Variants in TRHDE observed in about 807,000 individuals in gnomAD.
TRHDE encodes thyrotropin-releasing hormone-degrading ectoenzyme.
A neutral mutation model predicts 125.7 loss-of-function variants in TRHDE; 72 were observed. The ratio of observed to expected loss-of-function variants is 0.57; its 90% CI spans 0.47 to 0.70. TRHDE has a LOEUF of 0.70. Among genes scored for constraint, TRHDE ranks in the 30% least tolerant of loss-of-function variants. The pLI, the probability that TRHDE is intolerant of heterozygous loss-of-function variation, is 0.00. For missense variants in TRHDE, 1,110 were observed against 1,327.1 expected, an observed-to-expected ratio of 0.84 and a Z score of 2.54; for synonymous variants, 509 against 509.1, an observed-to-expected ratio of 1.00 and a Z score of 0.00.
At chr12:72,324,209 A>C (rs2135713323) in intron 2 of TRHDE, among the ~76,000 whole-genome samples, 1 of 152,264 alleles carries the variant, frequency 6.6e-6, no homozygotes, top group Admixed American at 6.5e-5. Flanking sequence ...TTATTGGTTA[A>C]CATCAATTTA....
chr12:72,646,386 A>G (rs1236834685), intron 15 of TRHDE, among the ~76,000 whole-genome samples: 1 of 152,088 alleles, frequency 6.6e-6, no homozygotes, highest in Non-Finnish European at 1.5e-5. Context: ...ATCAATATAA[A>G]AACTCAAAAA....
intron 2 of TRHDE, among the ~76,000 whole-genome samples, chr12:72,238,339 T>TAA (rs1483769640): frequency 0.055 from 1,155 of 21,116 alleles, 177 homozygotes; most frequent in Admixed American, 0.11. Context: ...TATATACACA[T>TAA]TATATATATA....
At chr12:72,576,272 C>G (rs1870989993) in intron 12 of TRHDE, among the ~76,000 whole-genome samples, 1 of 152,108 alleles carries the variant, frequency 6.6e-6, no homozygotes. Context: ...ACAGGTGACT[C>G]TCTTTACTTA....
At chr12:72,510,284 T>G (rs879848717) in intron 6 of TRHDE, among the ~76,000 whole-genome samples, 2 of 152,246 alleles carry the variant, frequency 1.3e-5, no homozygotes, top group South Asian at 4.1e-4. Context: ...TCTTTAGATA[T>G]TCTACAGTAT....
chr12:72,573,441 G>A (rs1870840363), intron 10 of TRHDE, among the ~76,000 whole-genome samples: 1 of 151,778 alleles, frequency 6.6e-6, no homozygotes, highest in Non-Finnish European at 1.5e-5. Context: ...TTATTTTTCT[G>A]AGTTCCATGG....
chr12:72,294,178 T>A (rs1159529452), intron 2 of TRHDE, among the ~76,000 whole-genome samples: 1 of 152,152 alleles, frequency 6.6e-6, no homozygotes, highest in East Asian at 1.9e-4. Context: ...TCCCACAACA[T>A]GGCAAGTAAG....
At chr12:72,613,791 A>T (rs1437122646) in intron 12 of TRHDE, among the ~76,000 whole-genome samples, 2 of 152,138 alleles carry the variant, frequency 1.3e-5, no homozygotes, top group East Asian at 3.9e-4. Context: ...GCTGTCTGAG[A>T]TCTTTTCTCT....
intron 12 of TRHDE, among the ~76,000 whole-genome samples, chr12:72,611,473 T>A (rs574915228): frequency 1.3e-5 from 2 of 152,276 alleles, no homozygotes; most frequent in East Asian, 3.9e-4. Flanking sequence ...ACAAATTATA[T>A]CACATTTTGA....
At chr12:72,557,928 C>A (rs1267228038) in intron 7 of TRHDE, among the ~76,000 whole-genome samples, 3 of 151,520 alleles carry the variant, frequency 2.0e-5, no homozygotes, top group Non-Finnish European at 2.9e-5. Context: ...CAGTTATCAA[C>A]AGAAACAAAT....
chr12:72,218,830 C>G (rs888302983), intron 2 of TRHDE, among the ~76,000 whole-genome samples: 7 of 152,132 alleles, frequency 4.6e-5, no homozygotes, highest in Non-Finnish European at 1.0e-4. Flanking sequence ...ATCTGGATGA[C>G]CTTATCTTGT....
chr12:72,407,943 G>T (rs1197673534), intron 3 of TRHDE, among the ~76,000 whole-genome samples: 1 of 152,136 alleles, frequency 6.6e-6, no homozygotes. Context: ...GTTTTCTGTT[G>T]CTGTACCAGA....
chr12:72,428,725 T>C (rs564616021), intron 3 of TRHDE, among the ~76,000 whole-genome samples: 2 of 152,110 alleles, frequency 1.3e-5, no homozygotes, highest in Non-Finnish European at 2.9e-5. Flanking sequence ...TTTCAGAGAT[T>C]TTTTACAACC....
intron 9 of TRHDE, among the ~76,000 whole-genome samples, chr12:72,566,622 G>A (rs201095293): frequency 1.3e-5 from 2 of 151,816 alleles, no homozygotes; most frequent in Non-Finnish European, 2.9e-5. Flanking sequence ...TGGAAATTAT[G>A]TTTATATTAG....
At chr12:72,378,587 T>C (rs901843199) in intron 3 of TRHDE, among the ~76,000 whole-genome samples, 4 of 152,222 alleles carry the variant, frequency 2.6e-5, no homozygotes, top group African/African-American at 9.6e-5. Flanking sequence ...ATATTTTACA[T>C]GGAGAAGACA....
intron 2 of TRHDE, among the ~76,000 whole-genome samples, chr12:72,116,488 G>T (rs1367239241): frequency 6.6e-6 from 1 of 152,152 alleles, no homozygotes; most frequent in South Asian, 2.1e-4. Context: ...CAATGTAAAA[G>T]CATTCCTATT....
chr12:72,253,261 T>G (rs1878725605), intron 2 of TRHDE, among the ~76,000 whole-genome samples: 1 of 152,160 alleles, frequency 6.6e-6, no homozygotes, highest in East Asian at 1.9e-4. Context: ...ATTTTATTTT[T>G]GTATAATCCA....
At chr12:72,169,638 TA>T (rs1397892930) in intron 2 of TRHDE, among the ~76,000 whole-genome samples, 1 of 152,012 alleles carries the variant, frequency 6.6e-6, no homozygotes, top group East Asian at 1.9e-4. Context: ...GAGGATTGCT[TA>T]AGCCTAGGAG....
At chr12:72,181,242 C>A (rs1877090522) in intron 2 of TRHDE, among the ~76,000 whole-genome samples, 1 of 152,114 alleles carries the variant, frequency 6.6e-6, no homozygotes, top group Non-Finnish European at 1.5e-5. Context: ...AATGTTGGGT[C>A]ATCCTTGACT....
At chr12:72,239,759 A>G (rs1226616295) in intron 2 of TRHDE, among the ~76,000 whole-genome samples, 1 of 152,228 alleles carries the variant, frequency 6.6e-6, no homozygotes, top group East Asian at 1.9e-4. Flanking sequence ...AAAATAGCCA[A>G]AATAGTTCTC....
Sources: gnomAD v4.1 joint callset for allele counts (sites outside exome capture counted in the v4.1 genomes callset) on GRCh38, gnomAD v4.1.1 for gene constraint, MANE v1.5 for transcripts, NCBI Gene and HGNC (gene_info 2026-07-23, HGNC 2026-07-21) for gene names.